The following CDH13 variants were observed in gnomAD, a reference collection of about 807,000 sequenced individuals.
CDH13 encodes cadherin 13, also known as cadherin-13.
Under a neutral mutation model 63.8 loss-of-function variants are expected in CDH13, and 24 were observed. The observed-to-expected ratio is 0.38, with a 90% CI of 0.27 to 0.53. CDH13 has a LOEUF of 0.53. Among genes scored for constraint, CDH13 ranks in the 20% least tolerant of loss-of-function variants. CDH13 has a pLI of 0.85. For missense variants in CDH13, 1,049 were observed against 903.1 expected (o/e 1.16, Z -2.07); for synonymous variants, 503 against 355.3 (o/e 1.42, Z -4.67).
chr16:82,959,046 C>T (rs1906557437), intron 2 of CDH13, among the ~76,000 whole-genome samples: 1 of 152,204 alleles, frequency 6.6e-6, no homozygotes, highest in Non-Finnish European at 1.5e-5. Flanking sequence ...AGCAAGGCTT[C>T]CCCAGCAGTG....
intron 7 of CDH13, among the ~76,000 whole-genome samples, chr16:83,578,316 C>T (rs1320715228): frequency 6.6e-6 from 1 of 152,164 alleles, no homozygotes; most frequent in Non-Finnish European, 1.5e-5. Flanking sequence ...GGAAAATTTG[C>T]TGGGACTTAA....
intron 1 of CDH13, among the ~76,000 whole-genome samples, chr16:82,814,375 A>C (rs919962435): frequency 6.6e-6 from 1 of 152,124 alleles, no homozygotes; most frequent in Admixed American, 6.6e-5. Flanking sequence ...TATTTTTAGA[A>C]GGTTGGGGCT....
At chr16:83,648,719 A>T (rs530342314) in intron 8 of CDH13, among the ~76,000 whole-genome samples, 4 of 152,088 alleles carry the variant, frequency 2.6e-5, no homozygotes, top group African/African-American at 9.7e-5. Context: ...TTGTGCAAAA[A>T]TCGAGTCAGT....
chr16:83,737,956 A>G (rs928733185), intron 10 of CDH13, among the ~76,000 whole-genome samples: 2 of 152,238 alleles, frequency 1.3e-5, no homozygotes, highest in African/African-American at 4.8e-5. Flanking sequence ...TCTACCTCCC[A>G]GGTTGATGAG....
intron 7 of CDH13, among the ~76,000 whole-genome samples, chr16:83,547,861 C>T (rs939174421): frequency 6.6e-6 from 1 of 152,108 alleles, no homozygotes; most frequent in African/African-American, 2.4e-5. Context: ...TAGTGGGAAG[C>T]TGTGGCCTGC....
At chr16:82,863,768 A>G (rs1022580931) in intron 2 of CDH13, among the ~76,000 whole-genome samples, 4 of 152,234 alleles carry the variant, frequency 2.6e-5, no homozygotes, top group Non-Finnish European at 4.4e-5. Flanking sequence ...CTTTAAGAAG[A>G]AAAATCATGT....
In CDH13 at chr16:82,627,117, C is replaced by T. The variant is rs369242122; in HGVS notation, c.25C>T (p.Leu9=). Residue 9 remains leucine, a synonymous_variant, in exon 1 of 14, where the codon CTG becomes TTG. Transcript: ENST00000567109. Reference sequence around the variant, plus strand: ...AATGCAGCCGAGAACTCCGCTCGTTCTGTGCGTTCTCCTGTCCCAGGTAGG... The same window carrying T: ...AATGCAGCCGAGAACTCCGCTCGTTTTGTGCGTTCTCCTGTCCCAGGTAGG... MQPRTPLV[L]CVLLSQVLLL... 62 of 1,606,804 alleles carry T rather than the reference C, an allele frequency of 3.9e-5. No homozygotes were observed. Among genetic ancestry groups the T allele is most frequent in the Non-Finnish European group, 4.9e-5 (58 of 1,177,040 alleles).
At chr16:83,467,585 G>C (rs1463653225) in intron 6 of CDH13, among the ~76,000 whole-genome samples, 1 of 152,190 alleles carries the variant, frequency 6.6e-6, no homozygotes, top group Non-Finnish European at 1.5e-5. Context: ...TTCCTCCACG[G>C]AGTTGGTTCT....
intron 4 of CDH13, among the ~76,000 whole-genome samples, chr16:83,139,340 T>A (rs545892021): frequency 1.1e-4 from 17 of 152,336 alleles, no homozygotes; most frequent in Admixed American, 5.9e-4. Flanking sequence ...TTGAAAACTT[T>A]TATTTTATTT....
chr16:83,463,208 A>C (rs2073224058), intron 6 of CDH13, among the ~76,000 whole-genome samples: 2 of 152,224 alleles, frequency 1.3e-5, no homozygotes, highest in African/African-American at 4.8e-5. Context: ...GCAGGGACCA[A>C]GGCCCAGGCG....
intron 1 of CDH13, among the ~76,000 whole-genome samples, chr16:82,798,727 G>A (rs1375735298): frequency 1.3e-5 from 2 of 152,130 alleles, no homozygotes; most frequent in Non-Finnish European, 1.5e-5. Flanking sequence ...GAGTGAGGCT[G>A]TACTGGGAAA....
chr16:83,498,905 G>A (rs183202678), intron 7 of CDH13, among the ~76,000 whole-genome samples: 19 of 152,250 alleles, frequency 1.2e-4, no homozygotes, highest in Non-Finnish European at 1.8e-4. Context: ...TCTATAGCTC[G>A]GTTTTAGGAG....
At chr16:83,336,369 C>T (rs550900189) in intron 5 of CDH13, among the ~76,000 whole-genome samples, 12 of 150,868 alleles carry the variant, frequency 8.0e-5, no homozygotes, top group Admixed American at 3.3e-4. Context: ...GACTTATAGA[C>T]GGGTTCCAAT....
At chr16:82,893,173 A>G (rs939982701) in intron 2 of CDH13, among the ~76,000 whole-genome samples, 4 of 152,262 alleles carry the variant, frequency 2.6e-5, no homozygotes, top group African/African-American at 9.6e-5. Flanking sequence ...GAGAAACCTC[A>G]AAATTACTAG....
intron 5 of CDH13, among the ~76,000 whole-genome samples, chr16:83,252,550 T>C (rs1482451810): frequency 6.6e-6 from 1 of 152,148 alleles, no homozygotes; most frequent in African/African-American, 2.4e-5. Flanking sequence ...GGAAGGGGGC[T>C]TAGGCTGAGC....
chr16:83,304,680 G>C (rs1208045433), intron 5 of CDH13, among the ~76,000 whole-genome samples: 1 of 152,200 alleles, frequency 6.6e-6, no homozygotes, highest in Non-Finnish European at 1.5e-5. Context: ...TGATAATATT[G>C]TGTTGTACGA....
chr16:82,698,462 T>G (rs908169969), intron 1 of CDH13, among the ~76,000 whole-genome samples: 1 of 152,228 alleles, frequency 6.6e-6, no homozygotes, highest in Non-Finnish European at 1.5e-5. Flanking sequence ...TCACTGCCCA[T>G]GCATATGGGC....
At chr16:83,276,071 G>A (rs1482568428) in intron 5 of CDH13, among the ~76,000 whole-genome samples, 1 of 152,148 alleles carries the variant, frequency 6.6e-6, no homozygotes, top group African/African-American at 2.4e-5. Flanking sequence ...CTGATTTACA[G>A]GATCATAGCA....
At chr16:83,270,407 A>T (rs533219623) in intron 5 of CDH13, among the ~76,000 whole-genome samples, 24 of 152,340 alleles carry the variant, frequency 1.6e-4, no homozygotes, top group African/African-American at 4.3e-4. Context: ...TGTTTTTGGC[A>T]TCTGAGAATT....
Sources: gnomAD v4.1 joint callset for allele counts (sites outside exome capture counted in the v4.1 genomes callset) on GRCh38, gnomAD v4.1.1 for gene constraint, MANE v1.5 for transcripts, NCBI Gene and HGNC (gene_info 2026-07-23, HGNC 2026-07-21) for gene names.